SFMBT2: variants seen among roughly 807,000 people sequenced by gnomAD.
The protein encoded by SFMBT2 is Scm like with four mbt domains 2, also known as scm-like with four MBT domains protein 2.
In SFMBT2, 38 loss-of-function variants were observed where a neutral mutation model predicts 110.1. That is an observed-to-expected ratio of 0.35 (90% CI 0.27 to 0.45). The LOEUF is 0.45. SFMBT2 is among the 20% of genes least tolerant of loss of function. The pLI is 1.00. For missense variants in SFMBT2, 1,011 were observed against 1,094.9 expected (o/e 0.92, Z 1.08); for synonymous variants, 425 against 425.4 (o/e 1.00, Z 0.01).
At chr10:7,287,043 C>A (rs1160182095) in intron 4 of SFMBT2, among the ~76,000 whole-genome samples, 1 of 151,292 alleles carries the variant, frequency 6.6e-6, no homozygotes, top group Non-Finnish European at 1.5e-5. Flanking sequence ...GGGGTGACAG[C>A]CCTCTGAACA....
chr10:7,218,816 G>A (rs886573975), intron 11 of SFMBT2, among the ~76,000 whole-genome samples: 3 of 152,176 alleles, frequency 2.0e-5, no homozygotes, highest in African/African-American at 7.2e-5. Context: ...TTAAGCAACA[G>A]AGAAAATGTC....
Position 7,191,195 on chromosome 10 carries a change from A to G in SFMBT2, c.1699-2462T>C, listed in dbSNP as rs184887973. 4.2e-3 allele frequency among the ~76,000 whole-genome samples: 643 copies of G among 152,194 alleles called. 2 individuals carry two copies. The highest frequency in any genetic ancestry group is 0.014 in the Middle Eastern group (4 of 292). ...CCACCTCATTTCTCAGCTCTTTTAC[A>G]GTAAAATCCTTAAGAAGAGTCTACA... On this transcript the variant is annotated intron_variant, in intron 15 of 20. Transcript: ENST00000397167.
At chr10:7,345,105 C>T (rs2131994017) in intron 4 of SFMBT2, among the ~76,000 whole-genome samples, 1 of 151,972 alleles carries the variant, frequency 6.6e-6, no homozygotes. Flanking sequence ...AGAGATGGAG[C>T]CAGGAACCTC....
chr10:7,361,879 G>T (rs11593644), intron 4 of SFMBT2, among the ~76,000 whole-genome samples: 15 of 152,056 alleles, frequency 9.9e-5, no homozygotes, highest in African/African-American at 3.6e-4. Context: ...TTGGGGGCTC[G>T]GCAGGCACCG....
At chr10:7,266,371 T>A (rs186508230) in intron 7 of SFMBT2, among the ~76,000 whole-genome samples, 91 of 152,282 alleles carry the variant, frequency 6.0e-4, no homozygotes, top group African/African-American at 2.0e-3. Context: ...ATTACAGGCA[T>A]GAGCCACCAC....
rs1312119297 is a variant in SFMBT2, at chr10:7,227,929, C to T, written c.1129G>A (p.Gly377Ser). 12 of 1,590,568 alleles carry T rather than the reference C, an allele frequency of 7.5e-6. No individual in the cohort carries two copies. The highest frequency in any genetic ancestry group is 1.4e-5 in the African/African-American group (1 of 73,142). The change falls in exon 10 of 21, where the codon GGC becomes AGC. Residue 377 changes from glycine (G) to serine (S), a missense_variant. Gly to Ser is a moderately conservative substitution (Grantham distance 56). This residue lies in a region of SFMBT2 where 979 missense variants were observed against 1,016.1 expected (regional missense o/e 0.96). Coordinates refer to ENST00000397167, the MANE Select transcript of SFMBT2 (RefSeq NM_001387889.1). ...VSLTPPKGYS[G>S]QDFDWADYHK... ...TAATCTGCCCAGTCGAAGTCCTGGC[C>T]AGAGTAACCTGGGAATGACAAAACA... is the stretch of plus-strand genomic sequence containing the variant.
At chr10:7,347,698 G>A (rs182705015) in intron 4 of SFMBT2, among the ~76,000 whole-genome samples, 2 of 152,242 alleles carry the variant, frequency 1.3e-5, no homozygotes, top group African/African-American at 2.4e-5. Flanking sequence ...GATAAATTGG[G>A]AAACTAAGCA....
In SFMBT2 at chr10:7,354,422, G is replaced by C. The variant is rs1464374418; in HGVS notation, c.436+13227C>G. On this transcript the variant is annotated intron_variant, in intron 4 of 20. Coordinates refer to ENST00000397167, the MANE Select transcript of SFMBT2 (RefSeq NM_001387889.1). The stretch of plus-strand genomic sequence containing the variant: ...CTGCATGTCACGGCTGGCATAGTGG[G>C]CATGAGATCTCGATACCTCAGTTGG... 2.6e-5 allele frequency among the ~76,000 whole-genome samples: 4 copies of C among 152,208 alleles called. No homozygotes were observed. The East Asian group carries it at 7.7e-4, about 29-fold the overall frequency.
At chr10:7,262,945 C>T (rs183038633) in intron 7 of SFMBT2, among the ~76,000 whole-genome samples, 9 of 152,236 alleles carry the variant, frequency 5.9e-5, no homozygotes, top group African/African-American at 1.9e-4. Flanking sequence ...TTGCCAGGGA[C>T]GGGTATTCAA....
Position 7,172,075 on chromosome 10 carries a change from C to G in SFMBT2, c.2235G>C (p.Thr745=). Residue 745 remains threonine, a synonymous_variant, in exon 19 of 21, where the codon ACG becomes ACC. Coordinates refer to ENST00000397167, the MANE Select transcript of SFMBT2 (RefSeq NM_001387889.1). The surrounding 1 kb of genome is among the most constrained non-coding windows in gnomAD (Gnocchi z 4.6). ...ETGSELRDDQ[T]DTSSAEVPSA... is the part of the protein sequence containing the mutation. ...AGGGCACCTCCGCCGACGAGGTGTC[C>G]GTCTGGTCATCCCGGAGCTCGGAGC... The G allele has an allele frequency of 6.2e-7, 1 of 1,606,752 alleles. No individual in the cohort carries two copies. The highest frequency in any genetic ancestry group is 1.7e-5 in the Admixed American group (1 of 59,214).
chr10:7,289,465 C>T (rs537968612), intron 4 of SFMBT2, among the ~76,000 whole-genome samples: 74 of 152,318 alleles, frequency 4.9e-4, no homozygotes, highest in African/African-American at 1.7e-3. Context: ...ACGGCTCTGA[C>T]ATTTACATCT....
At chr10:7,345,808 A>G (rs1163040672) in intron 4 of SFMBT2, among the ~76,000 whole-genome samples, 1 of 152,098 alleles carries the variant, frequency 6.6e-6, no homozygotes, top group Non-Finnish European at 1.5e-5. Flanking sequence ...GTCTTAACCG[A>G]GTGTTCTAGA....
intron 4 of SFMBT2, among the ~76,000 whole-genome samples, chr10:7,318,943 G>C (rs566244924): frequency 2.6e-4 from 40 of 152,344 alleles, no homozygotes; most frequent in African/African-American, 8.7e-4. Flanking sequence ...CAGGCAGAGA[G>C]TGCCGCCTGT....
rs1564365923 is a variant in SFMBT2, at chr10:7,172,697, T to C, written c.1985-36A>G. 3.8e-6 allele frequency: 6 copies of C among 1,589,840 alleles called. No homozygotes were observed. Among genetic ancestry groups the C allele is most frequent in the East Asian group, 2.2e-5 (1 of 44,466 alleles). ...GAAGATGAGAAACTTTTGAAGGCTATACACACACACAGACATGAACAGAGA... is the reference window on the plus strand; with the variant it reads ...GAAGATGAGAAACTTTTGAAGGCTACACACACACACAGACATGAACAGAGA... On this transcript the variant is annotated intron_variant, in intron 17 of 20. Transcript: ENST00000397167. This position sits in a 1 kb window ranked among gnomAD's most constrained non-coding sequence, Gnocchi z 4.6.
chr10:7,276,428 TA>T (rs1371671568), intron 7 of SFMBT2, among the ~76,000 whole-genome samples: 1 of 152,218 alleles, frequency 6.6e-6, no homozygotes, highest in Non-Finnish European at 1.5e-5. Flanking sequence ...TTATGAAGAT[TA>T]TTTTTTTAAA....
In SFMBT2 at chr10:7,170,728, G is replaced by A. The variant is rs1476743690; in HGVS notation, c.2544+200C>T. The stretch of plus-strand genomic sequence containing the variant: ...ATGGCACTGGTGGGGCCTGAGAGGA[G>A]CAGGAATGAGGCTCTGTCTCTCGTC... On this transcript the variant is annotated intron_variant, in intron 20 of 20. Coordinates refer to ENST00000397167, the MANE Select transcript of SFMBT2 (RefSeq NM_001387889.1). This position sits in a 1 kb window ranked among gnomAD's most constrained non-coding sequence, Gnocchi z 4.6. Among the ~76,000 whole-genome samples, 1 of 152,140 alleles carries A rather than the reference G, an allele frequency of 6.6e-6. No individual in the cohort carries two copies. The highest frequency in any genetic ancestry group is 1.5e-5 in the Non-Finnish European group (1 of 68,006).
chr10:7,215,324 G>C (rs918959366), intron 11 of SFMBT2, among the ~76,000 whole-genome samples: 30 of 152,192 alleles, frequency 2.0e-4, no homozygotes, highest in Middle Eastern at 3.2e-3. Context: ...AGGATTATTT[G>C]AGGAGTCTGA....
intron 16 of SFMBT2, among the ~76,000 whole-genome samples, chr10:7,178,425 T>C (rs920968224): frequency 6.6e-6 from 1 of 152,220 alleles, no homozygotes; most frequent in African/African-American, 2.4e-5. Flanking sequence ...ATTTTATATA[T>C]GGGAATCCAA....
At chr10:7,184,959 A>G (rs1435923582) in intron 16 of SFMBT2, among the ~76,000 whole-genome samples, 2 of 152,166 alleles carry the variant, frequency 1.3e-5, no homozygotes, top group Non-Finnish European at 2.9e-5. Flanking sequence ...CTTTCACTTC[A>G]TTGGTCTCAT....
Sources: gnomAD v4.1 joint callset for allele counts (sites outside exome capture counted in the v4.1 genomes callset) on GRCh38, gnomAD v4.1.1 for gene constraint, gnomAD v4.1.1 regional missense constraint, Gnocchi (gnomAD v3.1) non-coding constraint, MANE v1.5 for transcripts, NCBI Gene and HGNC (gene_info 2026-07-23, HGNC 2026-07-21) for gene names.